SLC35F4: variants seen among roughly 807,000 people sequenced by gnomAD.
SLC35F4 encodes solute carrier family 35 member F4.
A neutral mutation model predicts 44.2 loss-of-function variants in SLC35F4; 24 were observed. That is an observed-to-expected ratio of 0.54 (90% CI 0.39 to 0.76). SLC35F4 has a LOEUF of 0.76. SLC35F4 is among the 30% of genes least tolerant of loss of function. SLC35F4 has a pLI of 0.00. For synonymous variants in SLC35F4, 238 were observed against 223.6 expected, an observed-to-expected ratio of 1.06 and a Z score of -0.57; for missense variants, 562 against 586.1, an observed-to-expected ratio of 0.96 and a Z score of 0.42.
At chr14:57,924,277 C>A (rs1889502942) in intron 1 of SLC35F4, among the ~76,000 whole-genome samples, 1 of 152,228 alleles carries the variant, frequency 6.6e-6, no homozygotes, top group African/African-American at 2.4e-5. Flanking sequence ...CATGGGTCTG[C>A]AGACTGTATA....
At chr14:57,600,375 T>A (rs561323176) in intron 1 of SLC35F4, among the ~76,000 whole-genome samples, 13 of 152,268 alleles carry the variant, frequency 8.5e-5, no homozygotes, top group Non-Finnish European at 1.6e-4. Flanking sequence ...AATCTGTCAT[T>A]TTTTCTTACA....
chr14:57,760,587 T>C (rs536540686), intron 1 of SLC35F4, among the ~76,000 whole-genome samples: 1 of 152,328 alleles, frequency 6.6e-6, no homozygotes, highest in South Asian at 2.1e-4. Flanking sequence ...ACTTGAGCTT[T>C]TTTTCTGAGA....
intron 1 of SLC35F4, among the ~76,000 whole-genome samples, chr14:57,924,983 T>C (rs2141060590): frequency 6.6e-6 from 1 of 152,182 alleles, no homozygotes; most frequent in Admixed American, 6.5e-5. Flanking sequence ...CTTGAACTTC[T>C]GGCCTCAAGC....
intron 1 of SLC35F4, among the ~76,000 whole-genome samples, chr14:57,936,108 T>C (rs1889789785): frequency 6.6e-6 from 1 of 152,210 alleles, no homozygotes; most frequent in Non-Finnish European, 1.5e-5. Flanking sequence ...TCATACAAAA[T>C]AGATATTCTC....
chr14:57,640,799 G>A (rs193018402), intron 1 of SLC35F4, among the ~76,000 whole-genome samples: 20 of 151,996 alleles, frequency 1.3e-4, no homozygotes, highest in East Asian at 3.9e-4. Flanking sequence ...TTTATGTTCA[G>A]TCCTTAAAGA....
intron 1 of SLC35F4, among the ~76,000 whole-genome samples, chr14:57,826,502 A>C (rs1883785221): frequency 6.6e-6 from 1 of 152,216 alleles, no homozygotes. Context: ...CAAAAGCAAA[A>C]ATCAACAAAT....
intron 1 of SLC35F4, among the ~76,000 whole-genome samples, chr14:57,964,971 G>A (rs1296969915): frequency 2.0e-5 from 2 of 101,158 alleles, no homozygotes; most frequent in Non-Finnish European, 3.7e-5. Flanking sequence ...TGCTCCCATG[G>A]GGGAAAAAAA....
chr14:57,830,382 A>G (rs1264413380), intron 1 of SLC35F4, among the ~76,000 whole-genome samples: 3 of 152,196 alleles, frequency 2.0e-5, no homozygotes, highest in African/African-American at 7.2e-5. Context: ...ATAATATCCG[A>G]GGAGATTTTT....
intron 1 of SLC35F4, among the ~76,000 whole-genome samples, chr14:57,793,704 T>C (rs1437799520): frequency 1.3e-5 from 2 of 152,200 alleles, no homozygotes; most frequent in Non-Finnish European, 2.9e-5. Context: ...AGGTGTCTTT[T>C]TGATATAATG....
At chr14:57,653,378 G>T (rs1390622773) in intron 1 of SLC35F4, among the ~76,000 whole-genome samples, 1 of 152,146 alleles carries the variant, frequency 6.6e-6, no homozygotes, top group African/African-American at 2.4e-5. Context: ...TAAAACCAAG[G>T]ATATTTCCAC....
At chr14:57,868,954 A>G (rs28687866), upstream of SLC35F4, among the ~76,000 whole-genome samples, 698 of 152,344 alleles carry the variant, frequency 4.6e-3, 5 homozygotes, top group African/African-American at 0.016. Flanking sequence ...AAAATAGTTT[A>G]TCATGATAGC....
At chr14:57,746,639 A>T (rs527556798) in intron 1 of SLC35F4, among the ~76,000 whole-genome samples, 2 of 152,116 alleles carry the variant, frequency 1.3e-5, no homozygotes, top group African/African-American at 4.8e-5. Flanking sequence ...AAAAGTTTTT[A>T]AAAATAAAAA....
At chr14:57,678,340 C>G (rs375419814) in intron 1 of SLC35F4, among the ~76,000 whole-genome samples, 1 of 151,980 alleles carries the variant, frequency 6.6e-6, no homozygotes, top group Non-Finnish European at 1.5e-5. Context: ...TTGTCACCAC[C>G]AGGCCTGCCT....
chr14:57,943,490 A>G (rs191347683), intron 1 of SLC35F4, among the ~76,000 whole-genome samples: 237 of 152,302 alleles, frequency 1.6e-3, no homozygotes, highest in Non-Finnish European at 2.8e-3. Context: ...TCTAGTTCAT[A>G]TATTTCCTTT....
chr14:57,704,877 T>A (rs1346894770), intron 1 of SLC35F4, among the ~76,000 whole-genome samples: 1 of 152,176 alleles, frequency 6.6e-6, no homozygotes, highest in Non-Finnish European at 1.5e-5. Context: ...TCACCCTGCA[T>A]ACAAATTGCC....
At chr14:57,799,177 G>A (rs577476905) in intron 1 of SLC35F4, among the ~76,000 whole-genome samples, 1 of 152,324 alleles carries the variant, frequency 6.6e-6, no homozygotes, top group South Asian at 2.1e-4. Flanking sequence ...CAGGGACGGA[G>A]CAACGTCCCT....
chr14:57,628,480 A>C (rs1390833655), intron 1 of SLC35F4, among the ~76,000 whole-genome samples: 2 of 140,902 alleles, frequency 1.4e-5, no homozygotes, highest in African/African-American at 5.3e-5. Flanking sequence ...CCAGTGTGAG[A>C]TGTTCCCCTC....
intron 1 of SLC35F4, among the ~76,000 whole-genome samples, chr14:57,638,301 C>T (rs1183999993): frequency 1.3e-5 from 2 of 152,138 alleles, no homozygotes; most frequent in East Asian, 3.9e-4. Flanking sequence ...AGAGGCTGCA[C>T]ACTGAGTGCC....
chr14:57,623,766 C>T (rs528768146), intron 1 of SLC35F4, among the ~76,000 whole-genome samples: 11 of 152,144 alleles, frequency 7.2e-5, no homozygotes, highest in African/African-American at 2.6e-4. Flanking sequence ...GAACAAGTTA[C>T]AATGTACCAG....
Sources: allele counts gnomAD v4.1 joint callset (sites outside exome capture counted in the v4.1 genomes callset), GRCh38; gene constraint gnomAD v4.1.1; transcripts MANE v1.5; gene names NCBI Gene and HGNC (gene_info 2026-07-23, HGNC 2026-07-21).